PCDHGB1: variants seen among roughly 807,000 people sequenced by gnomAD.
PCDHGB1 encodes the protein protocadherin gamma-B1.
A neutral mutation model predicts 56.6 loss-of-function variants in PCDHGB1; 34 were observed. The observed-to-expected ratio is 0.60, with a 90% CI of 0.46 to 0.80. PCDHGB1 has a LOEUF of 0.80. Ranked by LOEUF, PCDHGB1 falls within the 30% of genes least tolerant of loss-of-function variation. The pLI is 0.00. For synonymous variants in PCDHGB1, 561 were observed against 505.9 expected, an observed-to-expected ratio of 1.11 and a Z score of -1.46; for missense variants, 1,278 against 1,204.6, an observed-to-expected ratio of 1.06 and a Z score of -0.90.
intron 1 of PCDHGB1, chr5:141,364,724 C>T (rs772314048): frequency 9.3e-6 from 15 of 1,613,892 alleles, no homozygotes; most frequent in South Asian, 7.7e-5. Flanking sequence ...TAACTTCCCG[C>T]GTTTCCGGGA....
Position 141,477,060 on chromosome 5 carries a change from C to G in PCDHGB1, c.2410-17747C>G. On this transcript the variant is annotated intron_variant, in intron 1 of 3. Coordinates refer to ENST00000523390, the MANE Select transcript of PCDHGB1 (RefSeq NM_018922.3). The surrounding 1 kb of genome is among the most constrained non-coding windows in gnomAD (Gnocchi z 4.9). ...AAGGGTCGGCTGGACTTCGAGGACA[C>G]CAAACTCCATGAGATTTACATCCAG... The G allele has an allele frequency of 1.2e-6, 2 of 1,614,256 alleles. No individual in the cohort carries two copies. The highest frequency in any genetic ancestry group is 2.2e-5 in the South Asian group (2 of 91,086).
intron 2 of PCDHGB1, among the ~76,000 whole-genome samples, chr5:141,498,962 A>G (rs1257746192): frequency 8.0e-6 from 1 of 124,866 alleles, no homozygotes; most frequent in Non-Finnish European, 1.7e-5. Context: ...AGAGAGAGGG[A>G]GGGAGGGAGG....
At chr5:141,425,173 T>A (rs182492696) in intron 1 of PCDHGB1, among the ~76,000 whole-genome samples, 5 of 152,284 alleles carry the variant, frequency 3.3e-5, no homozygotes, top group Admixed American at 3.3e-4. Context: ...GGATTTATAC[T>A]TGTGGAATTC....
At chr5:141,392,644 A>C in intron 1 of PCDHGB1, 1 of 663,560 alleles carries the variant, frequency 1.5e-6, no homozygotes, top group Non-Finnish European at 2.4e-6. Flanking sequence ...CACCTCACGA[A>C]GACCCGCAGA....
At chr5:141,363,976 A>G (rs1416527088) in intron 1 of PCDHGB1, among the ~76,000 whole-genome samples, 1 of 152,278 alleles carries the variant, frequency 6.6e-6, no homozygotes, top group Non-Finnish European at 1.5e-5. Context: ...CTTGCTATTC[A>G]GAATTAAAGC....
At chr5:141,456,224 A>ACT (rs1167290500) in intron 1 of PCDHGB1, among the ~76,000 whole-genome samples, 1 of 152,034 alleles carries the variant, frequency 6.6e-6, no homozygotes, top group Non-Finnish European at 1.5e-5. Context: ...GCGATATCAA[A>ACT]CTAACTGCTG....
In PCDHGB1 at chr5:141,361,166, C is replaced by T. The variant is rs1471893315; in HGVS notation, c.2409+8497C>T. 3 of 1,613,940 alleles carry T rather than the reference C, an allele frequency of 1.9e-6. No homozygotes were observed. The Admixed American group carries it at 5.0e-5, about 27-fold the overall frequency. On this transcript the variant is annotated intron_variant, in intron 1 of 3. Coordinates refer to ENST00000523390, the MANE Select transcript of PCDHGB1 (RefSeq NM_018922.3). ...GAAATTCTTGATGACAACGATTGTG[C>T]ACCTGAAGTTATTGTGACTTCAGTA...
chr5:141,355,432 A>C (rs1759852204), intron 1 of PCDHGB1: 1 of 1,613,966 alleles, frequency 6.2e-7, no homozygotes, highest in Non-Finnish European at 8.5e-7. Flanking sequence ...TTTCGCCCTG[A>C]ACCCGCGCAG....
intron 1 of PCDHGB1, chr5:141,361,812 G>T (rs748753973): frequency 7.4e-6 from 12 of 1,612,954 alleles, no homozygotes; most frequent in Admixed American, 5.0e-5. Flanking sequence ...ATGACAATGC[G>T]CCACGGGTGC....
At position 141,491,023 on chromosome 5, in the gene PCDHGB1, G is replaced by A. The variant is rs773185039; in HGVS notation, c.2410-3784G>A. 17 of 1,613,990 alleles carry A rather than the reference G, an allele frequency of 1.1e-5. No individual in the cohort carries two copies. Among genetic ancestry groups the A allele is most frequent in the Admixed American group, 5.0e-5 (3 of 60,008 alleles). ...CTCCTTGGTCACCAAGGTGACAGCC[G>A]TGGATGCTGATGCAGGCCACAATGC... On this transcript the variant is annotated intron_variant, in intron 1 of 3. Coordinates refer to ENST00000523390, the MANE Select transcript of PCDHGB1 (RefSeq NM_018922.3). The surrounding 1 kb of genome is among the most constrained non-coding windows in gnomAD (Gnocchi z 6.9).
At chr5:141,453,492 G>A (rs1046043468) in intron 1 of PCDHGB1, among the ~76,000 whole-genome samples, 7 of 152,000 alleles carry the variant, frequency 4.6e-5, no homozygotes, top group African/African-American at 7.3e-5. Context: ...AAAAAAAGGT[G>A]TACTCAGAAA....
intron 1 of PCDHGB1, among the ~76,000 whole-genome samples, chr5:141,465,486 G>C (rs1221398075): frequency 6.6e-6 from 1 of 152,216 alleles, no homozygotes; most frequent in African/African-American, 2.4e-5. Flanking sequence ...TGAGAGGAAT[G>C]AGCGGGAGCA....
At position 141,415,641 on chromosome 5, in the gene PCDHGB1, TAA is replaced by T. The variant is rs113784532; in HGVS notation, c.2409+62982_2409+62983del. On this transcript the variant is annotated intron_variant, in intron 1 of 3. Transcript: ENST00000523390. ...GTTTTATTTTCATTTTTACTTTTGT[TAA>T]AAAAAAAAAGATTGGTTTTTACTTT... is the stretch of plus-strand genomic sequence containing the variant. 3.1e-5 allele frequency: 40 copies of T among 1,280,748 alleles called. No homozygotes were observed. The African/African-American group carries it at 4.6e-4, about 15-fold the overall frequency. 79.3% of individuals were successfully genotyped at this position (1,280,748 alleles called of 1,614,324 possible).
At chr5:141,404,319 C>T in intron 1 of PCDHGB1, 3 of 1,613,900 alleles carry the variant, frequency 1.9e-6, no homozygotes, top group East Asian at 4.5e-5. Context: ...TCTCAAGCCT[C>T]CTACTCAGTC....
intron 1 of PCDHGB1, chr5:141,409,635 AC>A: frequency 6.2e-7 from 1 of 1,613,784 alleles, no homozygotes; most frequent in Non-Finnish European, 8.5e-7. Context: ...AGCGCCTCTG[AC>A]CCGGATTTGG....
intron 1 of PCDHGB1, chr5:141,405,445 A>G: frequency 7.3e-7 from 1 of 1,360,898 alleles, no homozygotes; most frequent in Non-Finnish European, 1.0e-6. Context: ...TTTGAGACAG[A>G]GTCTTACTCT....
At position 141,493,262 on chromosome 5, in the gene PCDHGB1, A is replaced by G. The variant is rs148431133; in HGVS notation, c.2410-1545A>G. ...GGTACTAACATGCCTCTCTTATAAC[A>G]GCTTCACAGAGGTCAAGTGACTTGC... is the stretch of plus-strand genomic sequence containing the variant. On this transcript the variant is annotated intron_variant, in intron 1 of 3. Transcript: ENST00000523390. This position sits in a 1 kb window ranked among gnomAD's most constrained non-coding sequence, Gnocchi z 4.3. 5.1e-4 allele frequency among the ~76,000 whole-genome samples: 78 copies of G among 152,302 alleles called. No homozygotes were observed. Among genetic ancestry groups the G allele is most frequent in the African/African-American group, 1.7e-3 (72 of 41,574 alleles).
At chr5:141,428,022 G>A (rs1439933482) in intron 1 of PCDHGB1, 11 of 1,605,558 alleles carry the variant, frequency 6.9e-6, no homozygotes, top group South Asian at 1.1e-5. Context: ...GCCACGCGCC[G>A]CAGAGTCCGG....
At chr5:141,495,400 C>T (rs554849650) in intron 2 of PCDHGB1, among the ~76,000 whole-genome samples, 4 of 152,278 alleles carry the variant, frequency 2.6e-5, no homozygotes, top group Non-Finnish European at 1.5e-5. Flanking sequence ...ATGGAGCAGG[C>T]CCCCTTCTCC....
Sources: allele counts gnomAD v4.1 joint callset (sites outside exome capture counted in the v4.1 genomes callset), GRCh38; gene constraint gnomAD v4.1.1; non-coding constraint Gnocchi (gnomAD v3.1); transcripts MANE v1.5; gene names NCBI Gene and HGNC (gene_info 2026-07-23, HGNC 2026-07-21).